PCDHGA9: variants seen among roughly 807,000 people sequenced by gnomAD.
PCDHGA9 encodes the protein protocadherin gamma-A9.
Under a neutral mutation model 62.5 loss-of-function variants are expected in PCDHGA9, and 37 were observed. The observed-to-expected ratio is 0.59, with a 90% confidence interval of 0.46 to 0.78. PCDHGA9 has a LOEUF of 0.78. Among genes scored for constraint, PCDHGA9 ranks in the 30% least tolerant of loss-of-function variants. The pLI, the probability that PCDHGA9 is intolerant of heterozygous loss-of-function variation, is 0.00. For missense variants in PCDHGA9, 1,138 were observed against 1,166.2 expected, an observed-to-expected ratio of 0.98 and a Z score of 0.35; for synonymous variants, 459 against 484.6, an observed-to-expected ratio of 0.95 and a Z score of 0.69.
At position 141,512,161 on chromosome 5, in the gene PCDHGA9, G is replaced by A. The variant is rs1176664723; in HGVS notation, c.*988G>A. On this transcript the variant is annotated 3_prime_UTR_variant, in exon 4 of 4. Transcript: ENST00000573521. ...AGCCAGCTTTGGGCTGAGCTAACAGGACCAATGGATTAAACTGGCATTTCA... is the reference window on the plus strand; with the variant it reads ...AGCCAGCTTTGGGCTGAGCTAACAGAACCAATGGATTAAACTGGCATTTCA... The A allele has an allele frequency of 6.5e-6, 1 of 152,704 alleles. No homozygotes were observed. Among genetic ancestry groups the A allele is most frequent in the African/African-American group, 2.4e-5 (1 of 41,440 alleles). 9.5% of individuals were successfully genotyped at this position (152,704 alleles called of 1,614,324 possible). A position where few individuals can be genotyped will look rare whatever the true frequency, so the allele number is the denominator to read the frequency against.
At chr5:141,460,035 A>G (rs1246945474) in intron 1 of PCDHGA9, among the ~76,000 whole-genome samples, 1 of 152,140 alleles carries the variant, frequency 6.6e-6, no homozygotes, top group Non-Finnish European at 1.5e-5. Context: ...CCGAGACTGC[A>G]CCACTGCACT....
At position 141,489,481 on chromosome 5, in the gene PCDHGA9, A is replaced by C; in HGVS notation, c.2425-5326A>C. 6.2e-7 allele frequency: 1 copy of C among 1,614,040 alleles called. No homozygotes were observed. The highest frequency in any genetic ancestry group is 8.5e-7 in the Non-Finnish European group (1 of 1,180,004). ...GCGCTATTTTTCCCTGAGCTTGATG[A>C]GTGGTGCCCTGGCAGTGAATCAAAA... is the stretch of plus-strand genomic sequence containing the variant. On this transcript the variant is annotated intron_variant, in intron 1 of 3. Transcript: ENST00000573521. The surrounding 1 kb of genome is among the most constrained non-coding windows in gnomAD (Gnocchi z 4.5).
In PCDHGA9 at chr5:141,491,856, C is replaced by A. The variant is rs754113958; in HGVS notation, c.2425-2951C>A. On this transcript the variant is annotated intron_variant, in intron 1 of 3. Coordinates refer to ENST00000573521, the MANE Select transcript of PCDHGA9 (RefSeq NM_018921.3). This position sits in a 1 kb window ranked among gnomAD's most constrained non-coding sequence, Gnocchi z 6.9. ...TCTCGGGATCATTGGACCGTTTGCG[C>A]GAAACCAGAGTGGCCGATTAAGGGA... 6.9e-7 allele frequency: 1 copy of A among 1,458,728 alleles called. No individual in the cohort carries two copies. The highest frequency in any genetic ancestry group is 9.1e-7 in the Non-Finnish European group (1 of 1,103,072). The allele number at this position is 1,458,728 out of a possible 1,614,324, so 90.4% of individuals were successfully genotyped here. A position where few individuals can be genotyped will look rare whatever the true frequency, so the allele number is the denominator to read the frequency against.
At chr5:141,418,127 A>G in intron 1 of PCDHGA9, 1 of 1,614,104 alleles carries the variant, frequency 6.2e-7, no homozygotes, top group East Asian at 2.2e-5. Flanking sequence ...GAAGGACCGA[A>G]TAGACCGTGA....
rs745457172 is a variant in PCDHGA9 at position 141,490,744 on chromosome 5, C to T, written c.2425-4063C>T. The stretch of plus-strand genomic sequence containing the variant: ...TGTAGGAAATCAGGTTCAGGGAGCC[C>T]CAGCCTCCTCCTTTGTGTATGTCAA... On this transcript the variant is annotated intron_variant, in intron 1 of 3. Coordinates refer to ENST00000573521, the MANE Select transcript of PCDHGA9 (RefSeq NM_018921.3). The surrounding 1 kb of genome is among the most constrained non-coding windows in gnomAD (Gnocchi z 5.4). 1 of 1,614,142 alleles carries T rather than the reference C, an allele frequency of 6.2e-7. No homozygotes were observed. Among genetic ancestry groups the T allele is most frequent in the Non-Finnish European group, 8.5e-7 (1 of 1,180,006 alleles).
intron 1 of PCDHGA9, chr5:141,409,051 C>T (rs767003760): frequency 3.7e-6 from 6 of 1,614,032 alleles, no homozygotes; most frequent in Non-Finnish European, 5.1e-6. Context: ...ACTTCCGAAG[C>T]ACTGCCCAGA....
intron 1 of PCDHGA9, chr5:141,411,443 G>A (rs780563062): frequency 6.6e-6 from 1 of 151,948 alleles, no homozygotes; most frequent in African/African-American, 2.4e-5. Context: ...CATTAGCAGA[G>A]TGTGGTAGCA....
At chr5:141,453,652 T>C (rs1302902554) in intron 1 of PCDHGA9, among the ~76,000 whole-genome samples, 1 of 152,252 alleles carries the variant, frequency 6.6e-6, no homozygotes, top group Non-Finnish European at 1.5e-5. Context: ...TTATGTCCTC[T>C]TCTTTCTTAC....
At chr5:141,415,574 A>G (rs1168111069) in intron 1 of PCDHGA9, 3 of 1,614,066 alleles carry the variant, frequency 1.9e-6, no homozygotes, top group Non-Finnish European at 8.5e-7. Flanking sequence ...TTGTTAGATG[A>G]TTCGAAGTTT....
At position 141,490,908 on chromosome 5, in the gene PCDHGA9, C is replaced by G; in HGVS notation, c.2425-3899C>G. On this transcript the variant is annotated intron_variant, in intron 1 of 3. Transcript: ENST00000573521. This position sits in a 1 kb window ranked among gnomAD's most constrained non-coding sequence, Gnocchi z 5.4. ...CATCTCTGCATGTGTTTGTCCTAGA[C>G]GAGAATGATAATGCCCCAGCTGTGC... The G allele has an allele frequency of 6.2e-7, 1 of 1,613,710 alleles. No individual in the cohort carries two copies. Among genetic ancestry groups the G allele is most frequent in the Non-Finnish European group, 8.5e-7 (1 of 1,179,754 alleles).
In PCDHGA9 at chr5:141,403,167, C is replaced by G. The variant is rs775617849; in HGVS notation, c.215C>G (p.Thr72Arg). ...RRVRIVSRGR[T>R]QLFSLNPRSG... ...GTCCGCATCGTCTCTAGAGGTAGGA[C>G]GCAGCTTTTCTCTCTGAACCCGCGC... Residue 72 changes from threonine (T) to arginine (R), a missense_variant, in exon 1 of 4, where the codon ACG becomes AGG. Physicochemically the swap from Thr to Arg is moderately conservative, Grantham distance 71. Coordinates refer to ENST00000573521, the MANE Select transcript of PCDHGA9 (RefSeq NM_018921.3). 6.2e-7 allele frequency: 1 copy of G among 1,614,026 alleles called. No homozygotes were observed. Among genetic ancestry groups the G allele is most frequent in the Non-Finnish European group, 8.5e-7 (1 of 1,179,910 alleles).
chr5:141,457,279 G>A (rs948609305), intron 1 of PCDHGA9, among the ~76,000 whole-genome samples: 2 of 152,190 alleles, frequency 1.3e-5, no homozygotes, highest in African/African-American at 4.8e-5. Flanking sequence ...GTGGGCCTAC[G>A]AAGTTCCTTG....
Position 141,485,550 on chromosome 5 carries a change from TG to T in PCDHGA9, c.2425-9256del. On this transcript the variant is annotated intron_variant, in intron 1 of 3. Coordinates refer to ENST00000573521, the MANE Select transcript of PCDHGA9 (RefSeq NM_018921.3). The surrounding 1 kb of genome is among the most constrained non-coding windows in gnomAD (Gnocchi z 5.7). ...CGAGCAGAGGTAGAGATCGTAGATGTGAATGATCACGCCCCCCGTTTTCCGC... is the reference window on the plus strand; with the variant it reads ...CGAGCAGAGGTAGAGATCGTAGATGTAATGATCACGCCCCCCGTTTTCCGC... The T allele has an allele frequency of 6.2e-7, 1 of 1,613,820 alleles. No individual in the cohort carries two copies.
chr5:141,422,807 G>C (rs199507728), intron 1 of PCDHGA9: 7 of 1,614,198 alleles, frequency 4.3e-6, no homozygotes, highest in Non-Finnish European at 5.9e-6. Context: ...GAGCAGTTTC[G>C]AGACTTAGAA....
At chr5:141,455,605 T>C (rs930071553) in intron 1 of PCDHGA9, among the ~76,000 whole-genome samples, 2 of 152,098 alleles carry the variant, frequency 1.3e-5, no homozygotes, top group African/African-American at 4.8e-5. Flanking sequence ...TAGGGCGCCA[T>C]GGATGTTCTA....
At chr5:141,415,739 G>GTT (rs1561759437) in intron 1 of PCDHGA9, 11 of 435,132 alleles carry the variant, frequency 2.5e-5, no homozygotes, top group African/African-American at 1.6e-4. Flanking sequence ...TGTTTATTAA[G>GTT]GTTTTTTTTT....
chr5:141,409,230 A>G, intron 1 of PCDHGA9: 1 of 1,614,024 alleles, frequency 6.2e-7, no homozygotes. Context: ...GAAAACGACA[A>G]CAGCCCAGAA....
intron 1 of PCDHGA9, among the ~76,000 whole-genome samples, chr5:141,405,652 G>GT (rs1479754913): frequency 6.6e-6 from 1 of 152,034 alleles, no homozygotes; most frequent in Non-Finnish European, 1.5e-5. Flanking sequence ...TTTTTTGTGT[G>GT]TTTTTAGTAG....
In PCDHGA9 at chr5:141,485,115, G is replaced by A. The variant is rs1043877839; in HGVS notation, c.2425-9692G>A. 6.9e-6 allele frequency: 9 copies of A among 1,300,470 alleles called. No individual in the cohort carries two copies. Among genetic ancestry groups the A allele is most frequent in the Non-Finnish European group, 1.1e-6 (1 of 911,406 alleles). 80.6% of individuals were successfully genotyped at this position (1,300,470 alleles called of 1,614,324 possible). ...GTGTCTCCAGCTGCTGTGGCTGTTT[G>A]GGGCGGGTCGGCTTCATCCGCGTCT... On this transcript the variant is annotated intron_variant, in intron 1 of 3. Coordinates refer to ENST00000573521, the MANE Select transcript of PCDHGA9 (RefSeq NM_018921.3). The surrounding 1 kb of genome is among the most constrained non-coding windows in gnomAD (Gnocchi z 5.7).
Sources: allele counts gnomAD v4.1 joint callset (sites outside exome capture counted in the v4.1 genomes callset), GRCh38; gene constraint gnomAD v4.1.1; non-coding constraint Gnocchi (gnomAD v3.1); transcripts MANE v1.5; gene names NCBI Gene and HGNC (gene_info 2026-07-23, HGNC 2026-07-21).